The following NAALADL2 variants were observed in gnomAD, a reference collection of about 807,000 sequenced individuals.
NAALADL2 encodes N-acetylated alpha-linked acidic dipeptidase like 2.
In NAALADL2, 76 loss-of-function variants were observed where a neutral mutation model predicts 87.2. That is an observed-to-expected ratio of 0.87 (90% CI 0.72 to 1.05). NAALADL2 has a LOEUF of 1.05. NAALADL2 is among the 50% of genes least tolerant of loss of function. NAALADL2 has a pLI of 0.00. For missense variants in NAALADL2, 1,089 were observed against 945.8 expected, an observed-to-expected ratio of 1.15 and a Z score of -1.99; for synonymous variants, 354 against 331.0, an observed-to-expected ratio of 1.07 and a Z score of -0.75.
chr3:174,792,930 T>C (rs938949240), intron 3 of NAALADL2, among the ~76,000 whole-genome samples: 3 of 152,192 alleles, frequency 2.0e-5, no homozygotes, highest in African/African-American at 4.8e-5. Context: ...TTTGGCAGTA[T>C]ACTTTTTTTC....
chr3:174,671,962 ACAG>A (rs201149155), intron 2 of NAALADL2, among the ~76,000 whole-genome samples: 122 of 149,090 alleles, frequency 8.2e-4, no homozygotes, highest in Middle Eastern at 3.4e-3. Flanking sequence ...GATGATGATG[ACAG>A]TGGTGATGAT....
intron 3 of NAALADL2, among the ~76,000 whole-genome samples, chr3:174,811,453 C>CT (rs1282929450): frequency 2.0e-5 from 3 of 152,174 alleles, no homozygotes; most frequent in African/African-American, 7.2e-5. Context: ...TGTTTTGGAA[C>CT]TTTAAGACTT....
Position 174,679,807 on chromosome 3 carries a change from A to G in NAALADL2, c.-114-57834A>G, listed in dbSNP as rs1330699336. 4.6e-5 allele frequency among the ~76,000 whole-genome samples: 7 copies of G among 152,198 alleles called. No homozygotes were observed. In the East Asian group the frequency reaches 1.2e-3, roughly 25 times the overall value. ...TTGCAAAATATTAATTTACAATAAAATATTATTTTGTATTCCTGCTTATGA... is the reference window on the plus strand; with the variant it reads ...TTGCAAAATATTAATTTACAATAAAGTATTATTTTGTATTCCTGCTTATGA... On this transcript the variant is annotated intron_variant, in intron 2 of 3. Transcript: ENST00000434257.
intron 11 of NAALADL2, among the ~76,000 whole-genome samples, chr3:175,671,344 T>C (rs143694012): frequency 8.5e-5 from 13 of 152,142 alleles, no homozygotes; most frequent in African/African-American, 3.1e-4. Context: ...AAAAAGTTCA[T>C]GGTTGCTGCA....
chr3:175,578,869 C>A (rs780639424), intron 10 of NAALADL2, among the ~76,000 whole-genome samples: 5 of 152,200 alleles, frequency 3.3e-5, no homozygotes, highest in Non-Finnish European at 7.3e-5. Context: ...CACTAGCCTG[C>A]CATGTTGTTT....
At chr3:175,502,459 G>A (rs971816640) in intron 9 of NAALADL2, among the ~76,000 whole-genome samples, 23 of 152,144 alleles carry the variant, frequency 1.5e-4, no homozygotes, top group Admixed American at 5.2e-4. Context: ...GATCTGGGAC[G>A]TCAGTCTTTT....
At chr3:175,166,825 G>A (rs1275224986) in intron 2 of NAALADL2, among the ~76,000 whole-genome samples, 1 of 151,942 alleles carries the variant, frequency 6.6e-6, no homozygotes, top group Non-Finnish European at 1.5e-5. Context: ...TTGCATTTCT[G>A]AAAAGGAACT....
chr3:175,003,454 G>A (rs1259082852), intron 1 of NAALADL2, among the ~76,000 whole-genome samples: 1 of 152,148 alleles, frequency 6.6e-6, no homozygotes, highest in Non-Finnish European at 1.5e-5. Context: ...GTTTTCAAAA[G>A]GCATTTAGCA....
At chr3:175,200,539 C>T (rs1287441842) in intron 2 of NAALADL2, among the ~76,000 whole-genome samples, 1 of 152,072 alleles carries the variant, frequency 6.6e-6, no homozygotes, top group African/African-American at 2.4e-5. Flanking sequence ...CAATGTAATC[C>T]CTTTCTCCTT....
intron 1 of NAALADL2, among the ~76,000 whole-genome samples, chr3:174,980,747 G>A (rs1182014218): frequency 2.6e-5 from 4 of 151,948 alleles, no homozygotes; most frequent in African/African-American, 4.8e-5. Context: ...TATATTGATA[G>A]GGACCTATTT....
At chr3:174,994,570 G>T (rs1238947735) in intron 1 of NAALADL2, among the ~76,000 whole-genome samples, 1 of 151,804 alleles carries the variant, frequency 6.6e-6, no homozygotes, top group Non-Finnish European at 1.5e-5. Flanking sequence ...TGTATGTCTT[G>T]TTGCTTCTAC....
At chr3:175,681,851 A>T (rs1424556872) in intron 11 of NAALADL2, among the ~76,000 whole-genome samples, 1 of 152,206 alleles carries the variant, frequency 6.6e-6, no homozygotes, top group Non-Finnish European at 1.5e-5. Flanking sequence ...GCTGAATGTG[A>T]AATTAGGTTA....
At chr3:174,814,747 G>T (rs1370155395) in intron 3 of NAALADL2, among the ~76,000 whole-genome samples, 1 of 152,064 alleles carries the variant, frequency 6.6e-6, no homozygotes, top group Non-Finnish European at 1.5e-5. Flanking sequence ...TCTTCCAAAA[G>T]GTAATTTGTT....
intron 2 of NAALADL2, among the ~76,000 whole-genome samples, chr3:174,578,373 A>G (rs1715779666): frequency 6.6e-6 from 1 of 151,964 alleles, no homozygotes. Context: ...GAAAATATTG[A>G]AAATCATTAC....
chr3:175,755,313 A>G lies in NAALADL2; in HGVS notation c.2084A>G (p.Asn695Ser). 2 of 1,613,690 alleles carry G rather than the reference A, an allele frequency of 1.2e-6. No homozygotes were observed. Among genetic ancestry groups the G allele is most frequent in the Non-Finnish European group, 1.7e-6 (2 of 1,179,784 alleles). ...LFQSDEMRPANDPKERAPIRI... is the reference protein window; with the variant it reads ...LFQSDEMRPASDPKERAPIRI... ...CAGTCTGATGAGATGCGACCTGCTA[A>G]TGATCCCAAGGAGAGAGCACCCATC... is the stretch of plus-strand genomic sequence containing the variant. Residue 695 changes from asparagine to serine, a missense_variant, in exon 13 of 14, where the codon AAT becomes AGT. Physicochemically the swap from Asn to Ser is conservative, Grantham distance 46. Transcript: ENST00000454872.
At chr3:174,710,569 T>TA (rs1311793858) in intron 2 of NAALADL2, among the ~76,000 whole-genome samples, 1 of 152,108 alleles carries the variant, frequency 6.6e-6, no homozygotes. Flanking sequence ...ATGAGCCTTT[T>TA]AAAATTTTTT....
At chr3:174,914,364 G>C (rs529644630) in intron 1 of NAALADL2, among the ~76,000 whole-genome samples, 1 of 151,946 alleles carries the variant, frequency 6.6e-6, no homozygotes, top group Non-Finnish European at 1.5e-5. Context: ...TGCCCGGCCT[G>C]GCTTTATATT....
intron 2 of NAALADL2, among the ~76,000 whole-genome samples, chr3:175,112,872 G>C (rs1724438956): frequency 6.6e-6 from 1 of 151,526 alleles, no homozygotes; most frequent in Non-Finnish European, 1.5e-5. Flanking sequence ...GGTAGAGTCT[G>C]TTACACTTTC....
chr3:174,446,374 G>A (rs1715050659), intron 1 of NAALADL2, among the ~76,000 whole-genome samples: 1 of 151,958 alleles, frequency 6.6e-6, no homozygotes, highest in Non-Finnish European at 1.5e-5. Context: ...TAGTACAAAT[G>A]GCTTTTTGCT....
Sources: gnomAD v4.1 joint callset for allele counts (sites outside exome capture counted in the v4.1 genomes callset) on GRCh38, gnomAD v4.1.1 for gene constraint, MANE v1.5 for transcripts, NCBI Gene and HGNC (gene_info 2026-07-23, HGNC 2026-07-21) for gene names.